Variants in PIP4K2A observed in about 807,000 individuals in gnomAD.
PIP4K2A encodes the protein phosphatidylinositol-5-phosphate 4-kinase type 2 alpha.
A neutral mutation model predicts 42.9 loss-of-function variants in PIP4K2A; 14 were observed. That is an observed-to-expected ratio of 0.33 (90% CI 0.22 to 0.51). PIP4K2A has a LOEUF of 0.51. Among genes scored for constraint, PIP4K2A ranks in the 20% least tolerant of loss-of-function variants. The probability of loss-of-function intolerance (pLI) is 0.97; values close to 1 mark genes in which losing one functional copy is unlikely to be tolerated. For missense variants in PIP4K2A, 434 were observed against 519.8 expected (o/e 0.83, Z 1.61); for synonymous variants, 192 against 192.2 (o/e 1.00, Z 0.01).
Position 22,537,015 on chromosome 10 carries a change from T to C in PIP4K2A, c.*186A>G, listed in dbSNP as rs1488802959. The stretch of plus-strand genomic sequence containing the variant: ...ACAAAGTCAGAAATAGCTAGAACGA[T>C]GCTGGGAAAATCAGGTAGCTGTAAA... On this transcript the variant is annotated 3_prime_UTR_variant, in exon 10 of 10. Transcript: ENST00000376573. The C allele has an allele frequency of 1.9e-6, 1 of 517,550 alleles. No homozygotes were observed. The highest frequency in any genetic ancestry group is 3.5e-6 in the Non-Finnish European group (1 of 284,810). 32.1% of individuals were successfully genotyped at this position (517,550 alleles called of 1,614,324 possible). A position where few individuals can be genotyped will look rare whatever the true frequency, so the allele number is the denominator to read the frequency against.
rs56349240 is a variant in PIP4K2A, at chr10:22,549,838, C to CA, written c.792+820dup. Among the ~76,000 whole-genome samples, 34 of 70,124 alleles carry CA rather than the reference C, an allele frequency of 4.8e-4. 3 individuals are homozygous for CA. The highest frequency in any genetic ancestry group is 1.5e-3 in the South Asian group (2 of 1,348). The allele number at this position is 70,124 out of a possible 152,430, so 46.0% of individuals were successfully genotyped here. ...CCTAGAAGACAGTGAGAATCCATCT[C>CA]AAAAAAAAAAAAAAAAAAAAAAAAA... On this transcript the variant is annotated intron_variant, in intron 7 of 9. Coordinates refer to ENST00000376573, the MANE Select transcript of PIP4K2A (RefSeq NM_005028.5).
chr10:22,591,419 AATGAATG>A (rs887984580), intron 4 of PIP4K2A, among the ~76,000 whole-genome samples: 39 of 152,374 alleles, frequency 2.6e-4, no homozygotes, highest in African/African-American at 9.4e-4. Flanking sequence ...TTATACAAAT[AATGAATG>A]ACCTTTATAG....
chr10:22,597,414 C>T (rs1465678609), intron 3 of PIP4K2A, among the ~76,000 whole-genome samples: 2 of 152,176 alleles, frequency 1.3e-5, no homozygotes, highest in Admixed American at 6.5e-5. Flanking sequence ...CACACTGCAT[C>T]ATGTCTATTT....
Position 22,584,034 on chromosome 10 carries a change from G to A in PIP4K2A, c.492+7595C>T, listed in dbSNP as rs148962302. Among the ~76,000 whole-genome samples, 723 of 152,328 alleles carry A rather than the reference G, an allele frequency of 4.7e-3. 5 individuals are homozygous for A. The highest frequency in any genetic ancestry group is 0.016 in the African/African-American group (665 of 41,580). ...CACTTCTTTCCTCTTCCCTACATAA[G>A]CTTTGATCCTGATCAACATCTTGAC... is the stretch of plus-strand genomic sequence containing the variant. On this transcript the variant is annotated intron_variant, in intron 4 of 9. Transcript: ENST00000376573.
chr10:22,700,847 C>T (rs1266258666), intron 1 of PIP4K2A, among the ~76,000 whole-genome samples: 1 of 152,196 alleles, frequency 6.6e-6, no homozygotes, highest in Non-Finnish European at 1.5e-5. Flanking sequence ...AAATATGTTT[C>T]TAAGCCTAAA....
chr10:22,541,901 G>C lies in PIP4K2A; in HGVS notation c.939C>G (p.Pro313=), dbSNP rs750590336. The change falls in exon 8 of 10, where the codon CCC becomes CCG. Residue 313 remains proline, a synonymous_variant. Coordinates refer to ENST00000376573, the MANE Select transcript of PIP4K2A (RefSeq NM_005028.5). ...ESDGTHPVGT[P]PDSPGNTLNS... Reference sequence around the variant, plus strand: ...TCAGTGTATTCCCGGGGCTATCTGGGGGGGTTCCCACCGGGTGGGTGCCAT... The same window carrying C: ...TCAGTGTATTCCCGGGGCTATCTGGCGGGGTTCCCACCGGGTGGGTGCCAT... 40 of 1,613,818 alleles carry C rather than the reference G, an allele frequency of 2.5e-5. No individual in the cohort carries two copies. In the East Asian group the frequency reaches 8.2e-4, roughly 33 times the overall value.
At chr10:22,631,379 AC>A (rs1403645709) in intron 1 of PIP4K2A, among the ~76,000 whole-genome samples, 9 of 152,098 alleles carry the variant, frequency 5.9e-5, no homozygotes, top group Non-Finnish European at 1.2e-4. Context: ...AAGTACAGAC[AC>A]CAAAGAGCTC....
intron 1 of PIP4K2A, among the ~76,000 whole-genome samples, chr10:22,658,685 TC>T (rs1211041458): frequency 5.9e-5 from 9 of 152,292 alleles, no homozygotes; most frequent in Non-Finnish European, 1.2e-4. Context: ...CAGCAAAAGA[TC>T]CCATAAGAAT....
At chr10:22,698,084 G>A (rs755711413) in intron 1 of PIP4K2A, among the ~76,000 whole-genome samples, 12 of 152,152 alleles carry the variant, frequency 7.9e-5, no homozygotes, top group Non-Finnish European at 1.5e-4. Context: ...AAAACTGGGA[G>A]AAGTGGGTCA....
chr10:22,624,615 C>G (rs902500934), intron 1 of PIP4K2A, among the ~76,000 whole-genome samples: 2 of 152,126 alleles, frequency 1.3e-5, no homozygotes, highest in Non-Finnish European at 2.9e-5. Context: ...CCTTATAAAA[C>G]ATGTGTTCCA....
chr10:22,704,580 G>C (rs1049386147), intron 1 of PIP4K2A, among the ~76,000 whole-genome samples: 2 of 147,920 alleles, frequency 1.4e-5, no homozygotes, highest in Non-Finnish European at 3.0e-5. Flanking sequence ...TTGAGACCAG[G>C]AGTTTGAGGC....
chr10:22,591,847 C>T (rs779319914), intron 3 of PIP4K2A, 66 bp from the exon 4 acceptor site: 106 of 1,324,804 alleles, frequency 8.0e-5, no homozygotes, highest in Non-Finnish European at 9.8e-5. Context: ...TGTGGCTTTC[C>T]GATTCCCAGA....
At chr10:22,548,947 T>C (rs369529267) in intron 7 of PIP4K2A, among the ~76,000 whole-genome samples, 2 of 151,922 alleles carry the variant, frequency 1.3e-5, no homozygotes, top group Non-Finnish European at 1.5e-5. Context: ...CCAGCTACTA[T>C]GGAGGCTGAG....
At chr10:22,538,504 A>G (rs1044460093) in intron 9 of PIP4K2A, among the ~76,000 whole-genome samples, 2 of 152,226 alleles carry the variant, frequency 1.3e-5, no homozygotes, top group Non-Finnish European at 2.9e-5. Context: ...GGATTTCTGT[A>G]TGAGGTGAAA....
chr10:22,649,504 G>GT (rs1201000462), intron 1 of PIP4K2A, among the ~76,000 whole-genome samples: 1 of 152,216 alleles, frequency 6.6e-6, no homozygotes, highest in Admixed American at 6.5e-5. Flanking sequence ...ACCCGGCACA[G>GT]TGCAAGGGGC....
intron 1 of PIP4K2A, among the ~76,000 whole-genome samples, chr10:22,676,963 A>C (rs74121868): frequency 3.2e-4 from 48 of 152,330 alleles, no homozygotes; most frequent in African/African-American, 1.1e-3. Flanking sequence ...AGTCTGGTAC[A>C]ATCTGTGCCA....
At chr10:22,542,653 T>C (rs1836152162) in intron 7 of PIP4K2A, among the ~76,000 whole-genome samples, 1 of 152,184 alleles carries the variant, frequency 6.6e-6, no homozygotes, top group Non-Finnish European at 1.5e-5. Flanking sequence ...CTCCCTCTCC[T>C]CCTCCAGCCG....
At chr10:22,601,879 C>G (rs1837788739) in intron 3 of PIP4K2A, among the ~76,000 whole-genome samples, 1 of 152,212 alleles carries the variant, frequency 6.6e-6, no homozygotes, top group African/African-American at 2.4e-5. Context: ...TGACCCGCAT[C>G]CCTGCTCTCT....
intron 3 of PIP4K2A, 85 bp downstream of exon 3, chr10:22,607,842 C>CA: frequency 1.3e-6 from 1 of 769,586 alleles, no homozygotes; most frequent in Non-Finnish European, 2.2e-6. Context: ...CTTTTATTGA[C>CA]AAAAATACAG....
Sources: allele counts gnomAD v4.1 joint callset (sites outside exome capture counted in the v4.1 genomes callset), GRCh38; gene constraint gnomAD v4.1.1; transcripts MANE v1.5; gene names NCBI Gene and HGNC (gene_info 2026-07-23, HGNC 2026-07-21).